The following CCNY variants were observed in gnomAD, a reference collection of about 807,000 sequenced individuals.
The protein encoded by CCNY is cyclin-Y.
CCNY carries 19 observed loss-of-function variants against 42.8 expected under a neutral mutation model. The observed-to-expected ratio is 0.44, with a 90% confidence interval of 0.31 to 0.65. CCNY has a LOEUF of 0.65. Ranked by LOEUF, CCNY falls within the 30% of genes least tolerant of loss-of-function variation. CCNY has a pLI of 0.07. For missense variants in CCNY, 370 were observed against 437.3 expected, an observed-to-expected ratio of 0.85 and a Z score of 1.37; for synonymous variants, 165 against 162.7, an observed-to-expected ratio of 1.01 and a Z score of -0.11.
At chr10:35,451,477 AT>A in intron 1 of CCNY, among the ~76,000 whole-genome samples, 1 of 152,192 alleles carries the variant, frequency 6.6e-6, no homozygotes, top group South Asian at 2.1e-4. Flanking sequence ...CAGAAGGCTT[AT>A]TTTGATATCT....
intron 2 of CCNY, among the ~76,000 whole-genome samples, chr10:35,489,164 AT>A (rs1839847614): frequency 6.6e-6 from 1 of 152,130 alleles, no homozygotes. Context: ...GTAGTCTTAC[AT>A]TTTACCGGAT....
intron 1 of CCNY, among the ~76,000 whole-genome samples, chr10:35,421,719 G>T (rs530143868): frequency 3.3e-5 from 5 of 152,048 alleles, no homozygotes; most frequent in Admixed American, 2.6e-4. Context: ...CCAGGATGCC[G>T]TTCCCTACAG....
In CCNY at chr10:35,357,457, G is replaced by A. The variant is rs185464352; in HGVS notation, c.154+20250G>A. Among the ~76,000 whole-genome samples, 362 of 152,244 alleles carry A rather than the reference G, an allele frequency of 2.4e-3. 1 individual carries two copies. The highest frequency in any genetic ancestry group is 8.4e-3 in the African/African-American group (350 of 41,544). On this transcript the variant is annotated intron_variant, in intron 1 of 9. Coordinates refer to ENST00000374704, the MANE Select transcript of CCNY (RefSeq NM_145012.6). Reference sequence around the variant, plus strand: ...TTTAACACATAGCAAACATTTTTTTGTATGTGTGTTTCTAGACCTTGGCAT... The same window carrying A: ...TTTAACACATAGCAAACATTTTTTTATATGTGTGTTTCTAGACCTTGGCAT...
intron 1 of CCNY, among the ~76,000 whole-genome samples, chr10:35,341,906 C>T (rs1018731503): frequency 7.9e-5 from 12 of 152,092 alleles, no homozygotes; most frequent in African/African-American, 2.9e-4. Context: ...TTTCTTTCAA[C>T]GAATGACTTT....
At chr10:35,489,061 C>T (rs546392659) in intron 2 of CCNY, among the ~76,000 whole-genome samples, 113 of 152,258 alleles carry the variant, frequency 7.4e-4, no homozygotes, top group Middle Eastern at 3.4e-3. Context: ...AAGCGGATCA[C>T]GAGGTCAGGA....
At chr10:35,562,061 A>G (rs1841477413) in intron 8 of CCNY, among the ~76,000 whole-genome samples, 2 of 152,314 alleles carry the variant, frequency 1.3e-5, no homozygotes, top group South Asian at 4.1e-4. Flanking sequence ...GGACAGTGAA[A>G]TTTCACCATG....
At chr10:35,375,049 G>A (rs1837021096) in intron 1 of CCNY, among the ~76,000 whole-genome samples, 1 of 152,126 alleles carries the variant, frequency 6.6e-6, no homozygotes, top group African/African-American at 2.4e-5. Context: ...ACTAGGGAGG[G>A]GGTGATTCTT....
At chr10:35,440,233 C>A (rs1418191880) in intron 1 of CCNY, among the ~76,000 whole-genome samples, 1 of 152,174 alleles carries the variant, frequency 6.6e-6, no homozygotes, top group Admixed American at 6.5e-5. Context: ...CTGTACCCTT[C>A]ATGTTTGCAG....
chr10:35,404,203 G>T (rs1223209330), intron 1 of CCNY, among the ~76,000 whole-genome samples: 1 of 147,684 alleles, frequency 6.8e-6, no homozygotes. Context: ...AAGTATTAGG[G>T]CGGCAGCAGC....
chr10:35,327,241 AC>A (rs1213115078), intron 3 of CCNY, among the ~76,000 whole-genome samples: 3 of 152,166 alleles, frequency 2.0e-5, no homozygotes, highest in Admixed American at 6.5e-5. Flanking sequence ...ATCCCTAAAA[AC>A]ATCTCTTTGC....
rs1292325238 is a variant in CCNY at position 35,307,816 on chromosome 10, A to ATTT, written c.-9+57191_-9+57192insTTT. Among the ~76,000 whole-genome samples, 23 of 68,526 alleles carry ATTT rather than the reference A, an allele frequency of 3.4e-4. No homozygotes were observed. The South Asian group carries it at 9.0e-3, about 27-fold the overall frequency. 45.0% of individuals were successfully genotyped at this position (68,526 alleles called of 152,430 possible). On this transcript the variant is annotated intron_variant, in intron 3 of 11. Transcript: ENST00000374706. Reference sequence around the variant, plus strand: ...TGTGTGTGTGTATATATATATATATATATTTTTTTTTTTTTTTCTGAGATG... The same window carrying ATTT: ...TGTGTGTGTGTATATATATATATATATTTTATTTTTTTTTTTTTTTCTGAGATG...
chr10:35,488,356 CCTCCT>C, intron 2 of CCNY, among the ~76,000 whole-genome samples: 1 of 152,268 alleles, frequency 6.6e-6, no homozygotes, highest in South Asian at 2.1e-4. Flanking sequence ...CCCTTTTTGT[CCTCCT>C]CTTATCTAGC....
At chr10:35,320,860 G>C (rs1835812971) in intron 3 of CCNY, 1 of 151,956 alleles carries the variant, frequency 6.6e-6, no homozygotes, top group African/African-American at 2.4e-5. Context: ...CAATACCTCT[G>C]GCTGGGCACG....
intron 3 of CCNY, among the ~76,000 whole-genome samples, chr10:35,514,088 A>AAAAC (rs977600273): frequency 6.6e-6 from 1 of 151,386 alleles, no homozygotes; most frequent in Non-Finnish European, 1.5e-5. Context: ...AAAAAAAAAA[A>AAAAC]AAAAAAAAAC....
intron 3 of CCNY, among the ~76,000 whole-genome samples, chr10:35,270,527 A>C (rs1437994049): frequency 2.0e-5 from 3 of 152,070 alleles, no homozygotes; most frequent in Non-Finnish European, 4.4e-5. Context: ...ACTATGCAAA[A>C]ATTAAAATTT....
chr10:35,320,141 T>C (rs1193929329), intron 3 of CCNY, among the ~76,000 whole-genome samples: 2 of 152,150 alleles, frequency 1.3e-5, no homozygotes, highest in Non-Finnish European at 2.9e-5. Flanking sequence ...AGTCATTGTC[T>C]GAGCCCAGAC....
At chr10:35,409,626 C>T (rs928223143) in intron 1 of CCNY, among the ~76,000 whole-genome samples, 2 of 152,048 alleles carry the variant, frequency 1.3e-5, no homozygotes, top group African/African-American at 2.4e-5. Flanking sequence ...TAATTTAAAC[C>T]GTGATTTACA....
chr10:35,548,342 A>G (rs1484420901), intron 7 of CCNY, among the ~76,000 whole-genome samples: 3 of 150,602 alleles, frequency 2.0e-5, no homozygotes, highest in Non-Finnish European at 4.4e-5. Context: ...TGTGTCACCC[A>G]GGCTGGAGTG....
At chr10:35,371,802 A>G (rs573065252) in intron 1 of CCNY, among the ~76,000 whole-genome samples, 58 of 152,350 alleles carry the variant, frequency 3.8e-4, no homozygotes, top group South Asian at 6.2e-4. Flanking sequence ...CGGGAGAAGC[A>G]GCCACAGAAG....
Sources: allele counts gnomAD v4.1 joint callset (sites outside exome capture counted in the v4.1 genomes callset), GRCh38; gene constraint gnomAD v4.1.1; transcripts MANE v1.5; gene names NCBI Gene and HGNC (gene_info 2026-07-23, HGNC 2026-07-21).